MGAT4C: variants seen among roughly 807,000 people sequenced by gnomAD.
MGAT4C encodes alpha-1,3-mannosyl-glycoprotein 4-beta-N-acetylglucosaminyltransferase C.
In MGAT4C, 19 loss-of-function variants were observed where a neutral mutation model predicts 40.1. The observed-to-expected ratio is 0.47, with a 90% CI of 0.33 to 0.70. The LOEUF (loss-of-function observed/expected upper bound fraction) is 0.70, where lower values mean the gene tolerates loss of function less well. Among genes scored for constraint, MGAT4C ranks in the 30% least tolerant of loss-of-function variants. MGAT4C has a pLI of 0.02. For synonymous variants in MGAT4C, 181 were observed against 187.1 expected (o/e 0.97, Z 0.27); for missense variants, 491 against 563.2 (o/e 0.87, Z 1.30).
intron 2 of MGAT4C, among the ~76,000 whole-genome samples, chr12:86,618,668 TG>T (rs1962537852): frequency 6.6e-6 from 1 of 152,068 alleles, no homozygotes; most frequent in Non-Finnish European, 1.5e-5. Flanking sequence ...TACCAGAGGC[TG>T]GGGAGGGTGT....
chr12:86,095,465 T>G (rs1873744638), intron 1 of MGAT4C, among the ~76,000 whole-genome samples: 1 of 152,036 alleles, frequency 6.6e-6, no homozygotes, highest in Admixed American at 6.6e-5. Flanking sequence ...TTTTGGAATC[T>G]TTATTCTTTG....
intron 1 of MGAT4C, among the ~76,000 whole-genome samples, chr12:86,766,522 T>C (rs1951511241): frequency 6.6e-6 from 1 of 151,982 alleles, no homozygotes; most frequent in East Asian, 1.9e-4. Flanking sequence ...GCAGACCTAA[T>C]AGACATCTAC....
chr12:86,475,464 T>TA (rs1159998392), intron 2 of MGAT4C, among the ~76,000 whole-genome samples: 1 of 152,016 alleles, frequency 6.6e-6, no homozygotes. Context: ...ATGTGATTTT[T>TA]ACTACACAAG....
intron 1 of MGAT4C, among the ~76,000 whole-genome samples, chr12:86,756,234 A>G (rs1951302226): frequency 6.6e-6 from 1 of 151,998 alleles, no homozygotes. Context: ...GTGTGTTCAA[A>G]AGGTTTTTCC....
intron 3 of MGAT4C, among the ~76,000 whole-genome samples, chr12:86,354,586 TGC>T (rs1955264454): frequency 1.3e-5 from 2 of 152,106 alleles, no homozygotes; most frequent in Non-Finnish European, 2.9e-5. Context: ...AAAATTAAAA[TGC>T]TATAAATAAA....
chr12:86,420,403 T>A (rs1359169239), intron 3 of MGAT4C, among the ~76,000 whole-genome samples: 1 of 151,958 alleles, frequency 6.6e-6, no homozygotes, highest in Non-Finnish European at 1.5e-5. Context: ...TAAAAAAAAA[T>A]TAAAACTGCA....
intron 4 of MGAT4C, among the ~76,000 whole-genome samples, chr12:86,310,176 G>T (rs1421428544): frequency 2.6e-5 from 4 of 151,658 alleles, no homozygotes; most frequent in African/African-American, 9.7e-5. Flanking sequence ...TTTGCCTGAG[G>T]TCAGGCAGGT....
At chr12:86,253,141 C>T (rs1407050389) in intron 1 of MGAT4C, among the ~76,000 whole-genome samples, 7 of 151,916 alleles carry the variant, frequency 4.6e-5, no homozygotes, top group African/African-American at 1.7e-4. Flanking sequence ...TAATTAGCCA[C>T]ACCTTAAAAT....
At chr12:86,151,527 G>A (rs1207267347) in intron 1 of MGAT4C, among the ~76,000 whole-genome samples, 13 of 152,022 alleles carry the variant, frequency 8.6e-5, no homozygotes, top group African/African-American at 2.9e-4. Context: ...GCAGGAGAAC[G>A]GCGTGAACCC....
intron 1 of MGAT4C, among the ~76,000 whole-genome samples, chr12:86,250,038 C>T (rs1169250863): frequency 1.3e-5 from 2 of 152,028 alleles, no homozygotes; most frequent in Admixed American, 6.6e-5. Flanking sequence ...TGCTGGCATG[C>T]CATAAGTGCT....
At chr12:86,572,051 C>T in intron 2 of MGAT4C, among the ~76,000 whole-genome samples, 1 of 152,032 alleles carries the variant, frequency 6.6e-6, no homozygotes, top group East Asian at 1.9e-4. Context: ...CACATCTTAT[C>T]TTTACTCATT....
intron 1 of MGAT4C, among the ~76,000 whole-genome samples, chr12:86,124,880 G>C (rs1158973397): frequency 6.6e-6 from 1 of 152,098 alleles, no homozygotes. Flanking sequence ...TTCTGGGTCT[G>C]TCCCCAGTCT....
At chr12:86,427,797 G>C (rs551574092) in intron 3 of MGAT4C, among the ~76,000 whole-genome samples, 1 of 152,222 alleles carries the variant, frequency 6.6e-6, no homozygotes, top group African/African-American at 2.4e-5. Context: ...GAGGAGGGTG[G>C]ATCACGAGGT....
intron 3 of MGAT4C, among the ~76,000 whole-genome samples, chr12:86,341,644 T>C (rs1054379343): frequency 1.7e-4 from 26 of 152,330 alleles, no homozygotes; most frequent in African/African-American, 6.0e-4. Context: ...GCTCCCATCT[T>C]TGCTGTTCAG....
intron 1 of MGAT4C, among the ~76,000 whole-genome samples, chr12:86,149,890 GTAAAT>G (rs1048663098): frequency 1.3e-5 from 2 of 152,112 alleles, no homozygotes; most frequent in Non-Finnish European, 2.9e-5. Context: ...AGATAAAATG[GTAAAT>G]TAAAAACTCA....
chr12:86,567,725 A>G (rs1960192987), intron 2 of MGAT4C, among the ~76,000 whole-genome samples: 1 of 152,212 alleles, frequency 6.6e-6, no homozygotes, highest in Non-Finnish European at 1.5e-5. Context: ...GTGGTCATCA[A>G]TACCAGCTAC....
intron 4 of MGAT4C, among the ~76,000 whole-genome samples, chr12:86,326,334 G>A (rs1445841850): frequency 2.1e-5 from 3 of 139,824 alleles, no homozygotes; most frequent in East Asian, 2.1e-4. Flanking sequence ...ACACACACAC[G>A]GTAATTATGT....
intron 3 of MGAT4C, among the ~76,000 whole-genome samples, chr12:86,390,508 A>G (rs1433770770): frequency 1.3e-5 from 2 of 152,148 alleles, no homozygotes; most frequent in South Asian, 2.1e-4. Flanking sequence ...TTCAACATTT[A>G]AAAGAAAATA....
At chr12:86,756,147 C>T (rs962533242) in intron 1 of MGAT4C, among the ~76,000 whole-genome samples, 6 of 152,042 alleles carry the variant, frequency 3.9e-5, no homozygotes, top group Non-Finnish European at 8.8e-5. Context: ...AGTTCCAGAG[C>T]CCAGAAGTGA....
Sources: gnomAD v4.1 joint callset for allele counts (sites outside exome capture counted in the v4.1 genomes callset) on GRCh38, gnomAD v4.1.1 for gene constraint, MANE v1.5 for transcripts, NCBI Gene and HGNC (gene_info 2026-07-23, HGNC 2026-07-21) for gene names.